The following SREK1IP1 variants were observed in gnomAD, a reference collection of about 807,000 sequenced individuals.
SREK1IP1 encodes the protein protein SREK1IP1.
In SREK1IP1, 12 loss-of-function variants were observed where a neutral mutation model predicts 22.8. The ratio of observed to expected loss-of-function variants is 0.53; its 90% CI spans 0.34 to 0.85. The LOEUF (loss-of-function observed/expected upper bound fraction) is 0.85. SREK1IP1 is among the 40% of genes least tolerant of loss of function. The pLI, the probability that SREK1IP1 is intolerant of heterozygous loss-of-function variation, is 0.02. For synonymous variants in SREK1IP1, 53 were observed against 52.7 expected (o/e 1.01, Z -0.02); for missense variants, 147 against 171.8 (o/e 0.86, Z 0.81).
chr5:64,747,187 G>A (rs75982535), intron 2 of SREK1IP1, among the ~76,000 whole-genome samples: 9,567 of 152,128 alleles, frequency 0.063, 977 homozygotes, highest in African/African-American at 0.22. Context: ...TTAGATAGGC[G>A]TGATTGATTC....
At chr5:64,726,139 G>A (rs1742260758) in intron 4 of SREK1IP1, among the ~76,000 whole-genome samples, 1 of 151,880 alleles carries the variant, frequency 6.6e-6, no homozygotes, top group Non-Finnish European at 1.5e-5. Flanking sequence ...CCAAAGTGCT[G>A]GGATTATAGG....
chr5:64,719,456 T>C lies in SREK1IP1; in HGVS notation c.*4928A>G, dbSNP rs1196357963. The C allele has an allele frequency of 1.3e-5, 2 of 152,224 alleles. No homozygotes were observed. Among genetic ancestry groups the C allele is most frequent in the East Asian group, 3.9e-4 (2 of 5,194 alleles). 9.4% of individuals were successfully genotyped at this position (152,224 alleles called of 1,614,324 possible). On this transcript the variant is annotated 3_prime_UTR_variant, in exon 5 of 5. Transcript: ENST00000513458. ...TTCACTTATTTTTTGTGAAAGTTTATAAAGCTTTTATGGGTGCTTCTTGAT... is the reference window on the plus strand; with the variant it reads ...TTCACTTATTTTTTGTGAAAGTTTACAAAGCTTTTATGGGTGCTTCTTGAT...
At chr5:64,758,208 A>G (rs1208297221) in intron 1 of SREK1IP1, among the ~76,000 whole-genome samples, 3 of 145,734 alleles carry the variant, frequency 2.1e-5, no homozygotes, top group East Asian at 2.1e-4. Flanking sequence ...TTGCTCTATC[A>G]CCCAAGCTGG....
chr5:64,759,681 A>G (rs1182335259), intron 1 of SREK1IP1, among the ~76,000 whole-genome samples: 2 of 152,242 alleles, frequency 1.3e-5, no homozygotes, highest in Non-Finnish European at 2.9e-5. Context: ...AGTAACCAAC[A>G]GGAAAAAAAT....
At chr5:64,725,593 T>G (rs991852608) in intron 4 of SREK1IP1, among the ~76,000 whole-genome samples, 1 of 152,174 alleles carries the variant, frequency 6.6e-6, no homozygotes, top group Non-Finnish European at 1.5e-5. Context: ...CTTTAGTGAC[T>G]CCGAGTTTTC....
At chr5:64,739,032 T>G (rs1742512231) in intron 3 of SREK1IP1, among the ~76,000 whole-genome samples, 2 of 152,152 alleles carry the variant, frequency 1.3e-5, no homozygotes, top group African/African-American at 4.8e-5. Flanking sequence ...TAATCCCTGA[T>G]CCTGGAAGCC....
chr5:64,759,261 T>C (rs144196228), intron 1 of SREK1IP1, among the ~76,000 whole-genome samples: 6 of 152,306 alleles, frequency 3.9e-5, no homozygotes, highest in Admixed American at 3.9e-4. Context: ...TCAGTTTCTA[T>C]CGTTTGGAAT....
chr5:64,731,078 C>T (rs946098071), intron 3 of SREK1IP1, among the ~76,000 whole-genome samples: 1 of 151,914 alleles, frequency 6.6e-6, no homozygotes, highest in African/African-American at 2.4e-5. Context: ...CAGTGTATGC[C>T]ATTAATTTTG....
In SREK1IP1 at chr5:64,765,730, T is replaced by C. The variant is rs1194233116; in HGVS notation, c.13+2775A>G. Reference sequence around the variant, plus strand: ...TTTGAATTGAAAGAAGGTTAACATATCTATAACACTGGTCTAAGTTTAAGA... The same window carrying C: ...TTTGAATTGAAAGAAGGTTAACATACCTATAACACTGGTCTAAGTTTAAGA... On this transcript the variant is annotated intron_variant, in intron 1 of 4. Transcript: ENST00000513458. Among the ~76,000 whole-genome samples, 3 of 152,228 alleles carry C rather than the reference T, an allele frequency of 2.0e-5. No homozygotes were observed. The East Asian group carries it at 5.8e-4, about 29-fold the overall frequency.
intron 2 of SREK1IP1, among the ~76,000 whole-genome samples, chr5:64,751,625 C>A (rs1186613633): frequency 2.6e-5 from 4 of 152,182 alleles, no homozygotes; most frequent in Non-Finnish European, 4.4e-5. Context: ...TCTTTGGGCT[C>A]TACATAGTAA....
intron 3 of SREK1IP1, among the ~76,000 whole-genome samples, chr5:64,730,916 T>TTGCA (rs1742367259): frequency 6.6e-6 from 1 of 151,830 alleles, no homozygotes; most frequent in Non-Finnish European, 1.5e-5. Context: ...GTAAGGCAGT[T>TTGCA]ACAGATATTT....
At chr5:64,759,622 A>G (rs1742910575) in intron 1 of SREK1IP1, among the ~76,000 whole-genome samples, 1 of 152,238 alleles carries the variant, frequency 6.6e-6, no homozygotes, top group African/African-American at 2.4e-5. Context: ...ACCAAAAAAG[A>G]GCAATTATCC....
chr5:64,752,442 T>C (rs1742765152), intron 2 of SREK1IP1, among the ~76,000 whole-genome samples: 1 of 152,104 alleles, frequency 6.6e-6, no homozygotes, highest in Non-Finnish European at 1.5e-5. Context: ...TGAGCCACCA[T>C]GCCTGGCCTG....
At chr5:64,733,490 CAT>C (rs1031732325) in intron 3 of SREK1IP1, among the ~76,000 whole-genome samples, 12 of 152,124 alleles carry the variant, frequency 7.9e-5, no homozygotes, top group Admixed American at 2.6e-4. Context: ...TATAACTACA[CAT>C]GTTAGAATGC....
At chr5:64,756,246 C>T (rs1357553657) in intron 1 of SREK1IP1, among the ~76,000 whole-genome samples, 1 of 152,012 alleles carries the variant, frequency 6.6e-6, no homozygotes, top group African/African-American at 2.4e-5. Context: ...ATTGTACAAC[C>T]ATCATCACTA....
chr5:64,749,850 T>G (rs182914706), intron 2 of SREK1IP1, among the ~76,000 whole-genome samples: 1 of 152,214 alleles, frequency 6.6e-6, no homozygotes, highest in Non-Finnish European at 1.5e-5. Context: ...CATGTAACTG[T>G]CCTATGCGCT....
At chr5:64,742,212 AT>A (rs1297727507) in intron 2 of SREK1IP1, among the ~76,000 whole-genome samples, 2 of 152,068 alleles carry the variant, frequency 1.3e-5, no homozygotes, top group Non-Finnish European at 2.9e-5. Context: ...AATTATATTT[AT>A]TTGCTGTACT....
chr5:64,762,586 T>C (rs1742968062), intron 1 of SREK1IP1, among the ~76,000 whole-genome samples: 1 of 152,200 alleles, frequency 6.6e-6, no homozygotes, highest in African/African-American at 2.4e-5. Context: ...ACTCCTTTCT[T>C]TGGGACCCCA....
At chr5:64,761,280 T>C (rs1326119440) in intron 1 of SREK1IP1, among the ~76,000 whole-genome samples, 2 of 152,228 alleles carry the variant, frequency 1.3e-5, no homozygotes, top group African/African-American at 4.8e-5. Flanking sequence ...ACTCAGTGCT[T>C]ACCATGATGG....
Sources: gnomAD v4.1 joint callset for allele counts (sites outside exome capture counted in the v4.1 genomes callset) on GRCh38, gnomAD v4.1.1 for gene constraint, MANE v1.5 for transcripts, NCBI Gene and HGNC (gene_info 2026-07-23, HGNC 2026-07-21) for gene names.